NOM1: variants seen among roughly 807,000 people sequenced by gnomAD.
The protein encoded by NOM1 is nucleolar MIF4G domain-containing protein 1.
NOM1 carries 58 observed loss-of-function variants against 73.3 expected under a neutral mutation model. The observed-to-expected ratio is 0.79, with a 90% CI of 0.64 to 0.99. The LOEUF (loss-of-function observed/expected upper bound fraction) is 0.99, where lower values mean the gene tolerates loss of function less well. Among genes scored for constraint, NOM1 ranks in the 50% least tolerant of loss-of-function variants. The probability of loss-of-function intolerance (pLI) is 0.00; values close to 1 mark genes in which losing one functional copy is unlikely to be tolerated. For missense variants in NOM1, 1,226 were observed against 1,131.9 expected (o/e 1.08, Z -1.19); for synonymous variants, 487 against 446.8 (o/e 1.09, Z -1.14).
chr7:156,957,538 G>C (rs910226027), intron 3 of NOM1, among the ~76,000 whole-genome samples: 9 of 152,246 alleles, frequency 5.9e-5, no homozygotes, highest in Admixed American at 3.3e-4. Context: ...CACTTTGGGA[G>C]GCCGAGGCGG....
Position 156,950,238 on chromosome 7 carries a change from C to T in NOM1, c.501C>T (p.Thr167=), listed in dbSNP as rs1804549763. ...TAKTRPSAAA[T]AAARKRALLA... The stretch of plus-strand genomic sequence containing the variant: ...AGACCAGACCCTCCGCAGCCGCCAC[C>T]GCCGCTGCCCGGAAACGGGCGCTTT... Residue 167 remains threonine (T), a synonymous_variant, in exon 1 of 11, where the codon ACC becomes ACT. Transcript: ENST00000275820. The T allele has an allele frequency of 1.2e-6, 2 of 1,613,074 alleles. No homozygotes were observed. The highest frequency in any genetic ancestry group is 2.2e-5 in the East Asian group (1 of 44,866).
In NOM1 at chr7:156,950,734, G is replaced by A; in HGVS notation, c.987+10G>A. 6.5e-7 allele frequency: 1 copy of A among 1,548,416 alleles called. No individual in the cohort carries two copies. The highest frequency in any genetic ancestry group is 1.2e-5 in the South Asian group (1 of 83,826). On this transcript the variant is annotated intron_variant, in intron 1 of 10. Coordinates refer to ENST00000275820, the MANE Select transcript of NOM1 (RefSeq NM_138400.2). ...TGACATAACGGATAAGGTATCGTGTGAACACTCTCTAGGCCCTCTGGGATT... is the reference window on the plus strand; with the variant it reads ...TGACATAACGGATAAGGTATCGTGTAAACACTCTCTAGGCCCTCTGGGATT...
chr7:156,960,222 A>G, intron 4 of NOM1, 48 bp downstream of exon 4: 1 of 1,452,840 alleles, frequency 6.9e-7, no homozygotes, highest in Non-Finnish European at 9.5e-7. Flanking sequence ...AAAGCTCACA[A>G]ACTGGCCAGA....
intron 3 of NOM1, 79 bp downstream of exon 3, chr7:156,954,377 A>T: frequency 8.0e-7 from 1 of 1,247,494 alleles, no homozygotes; most frequent in South Asian, 1.7e-5. Context: ...TAAGTGCGTA[A>T]TTGTGTGCTG....
chr7:156,952,157 C>T (rs928928994), intron 1 of NOM1, among the ~76,000 whole-genome samples: 8 of 152,252 alleles, frequency 5.3e-5, no homozygotes, highest in African/African-American at 1.9e-4. Context: ...AGCAAAAGCG[C>T]AGTAGATAGG....
At chr7:156,966,506 C>T (rs928265364) in intron 8 of NOM1, 104 bp downstream of exon 8, 1 of 1,343,616 alleles carries the variant, frequency 7.4e-7, no homozygotes, top group Non-Finnish European at 1.0e-6. Flanking sequence ...TCAGGAGGCC[C>T]CTGATATCCC....
chr7:156,950,635 C>G lies in NOM1; in HGVS notation c.898C>G (p.Gln300Glu). Reference protein sequence around the residue: ...EQGEEKEKGAQEKRRGKRVRF... With the variant: ...EQGEEKEKGAEEKRRGKRVRF... The stretch of plus-strand genomic sequence containing the variant: ...GGGGGAAGAAAAGGAAAAGGGAGCG[C>G]AGGAGAAAAGGAGGGGGAAGAGAGT... Residue 300 changes from glutamine to glutamate, a missense_variant, in exon 1 of 11, where the codon CAG (glutamine) becomes GAG (glutamate). Coordinates refer to ENST00000275820, the MANE Select transcript of NOM1 (RefSeq NM_138400.2). 2 of 1,556,274 alleles carry G rather than the reference C, an allele frequency of 1.3e-6. No individual in the cohort carries two copies. Among genetic ancestry groups the G allele is most frequent in the Non-Finnish European group, 1.7e-6 (2 of 1,149,370 alleles).
chr7:156,964,217 C>G (rs1804940856), intron 7 of NOM1, 191 bp downstream of exon 7: 2 of 431,072 alleles, frequency 4.6e-6, no homozygotes, highest in Non-Finnish European at 8.2e-6. Flanking sequence ...ATTAATTTGC[C>G]TCTAGTAGTT....
At position 156,962,252 on chromosome 7, in the gene NOM1, G is replaced by A; in HGVS notation, c.1734G>A (p.Gln578=). Reference sequence around the variant, plus strand: ...CCGTGGAGAAGCTGAGGAAACTGCAGAGAGCTTTGGTGAGTCAAGGAACTT... The same window carrying A: ...CCGTGGAGAAGCTGAGGAAACTGCAAAGAGCTTTGGTGAGTCAAGGAACTT... ...PEPVEKLRKL[Q]RALVRNAGSG... is the part of the protein sequence containing the mutation. The change falls in exon 5 of 11, where the codon CAG becomes CAA. Residue 578 remains glutamine (Q), a synonymous_variant. Transcript: ENST00000275820. 6.2e-7 allele frequency: 1 copy of A among 1,613,548 alleles called. No homozygotes were observed.
In NOM1 at chr7:156,950,454, G is replaced by GGAA. The variant is rs1804560670; in HGVS notation, c.720_722dup (p.Glu240dup). ...TGTACGACAGCAGTGGTGAGGAGGA[G>GGAA]GAAGATGCCGGACAGACACTCCCCG... On this transcript the variant is annotated inframe_insertion, in exon 1 of 11. Transcript: ENST00000275820. The GGAA allele has an allele frequency of 6.2e-7, 1 of 1,614,016 alleles. No individual in the cohort carries two copies. The highest frequency in any genetic ancestry group is 2.2e-5 in the East Asian group (1 of 44,878).
At chr7:156,961,737 A>G (rs1048689497) in intron 4 of NOM1, among the ~76,000 whole-genome samples, 1 of 152,118 alleles carries the variant, frequency 6.6e-6, no homozygotes, top group African/African-American at 2.4e-5. Context: ...GTATGACATT[A>G]CTTCCAGTTT....
At position 156,969,745 on chromosome 7, in the gene NOM1, T is replaced by C. The variant is rs2134802633; in HGVS notation, c.*42T>C. 1 of 1,566,886 alleles carries C rather than the reference T, an allele frequency of 6.4e-7. No individual in the cohort carries two copies. Among genetic ancestry groups the C allele is most frequent in the East Asian group, 2.3e-5 (1 of 44,182 alleles). Reference sequence around the variant, plus strand: ...GGCAGGTGGCCCTTTGACTGTAAAATGTCCTTGGTAAACCCAAAGGCTTAT... The same window carrying C: ...GGCAGGTGGCCCTTTGACTGTAAAACGTCCTTGGTAAACCCAAAGGCTTAT... On this transcript the variant is annotated 3_prime_UTR_variant, in exon 11 of 11. Transcript: ENST00000275820.
chr7:156,953,674 G>A (rs573156845), intron 2 of NOM1, among the ~76,000 whole-genome samples: 6 of 152,318 alleles, frequency 3.9e-5, no homozygotes, highest in Admixed American at 2.0e-4. Flanking sequence ...CCCACTACCC[G>A]TTCAAACAGA....
chr7:156,954,031 A>T, intron 2 of NOM1, 72 bp from the exon 3 acceptor site: 1 of 1,354,368 alleles, frequency 7.4e-7, no homozygotes, highest in Non-Finnish European at 1.0e-6. Context: ...ATAACTCTTT[A>T]ATTTTTTAAA....
In NOM1 at chr7:156,949,832, G is replaced by A; in HGVS notation, c.95G>A (p.Arg32His). 6.9e-7 allele frequency: 1 copy of A among 1,449,350 alleles called. No homozygotes were observed. The highest frequency in any genetic ancestry group is 9.1e-7 in the Non-Finnish European group (1 of 1,103,442). The allele number at this position is 1,449,350 out of a possible 1,614,324, so 89.8% of individuals were successfully genotyped here. ...CGCAGAGGCGGGCGCGGGCCGCGCCGCGGTCCTGCTGGCGGTGGGGAGAAG... is the reference window on the plus strand; with the variant it reads ...CGCAGAGGCGGGCGCGGGCCGCGCCACGGTCCTGCTGGCGGTGGGGAGAAG... ...MKRRGGRGPR[R>H]GPAGGGEKAL... Residue 32 changes from arginine to histidine, a missense_variant, in exon 1 of 11, where the codon CGC (arginine) becomes CAC (histidine). By Grantham distance (29) the Arg-to-His change is conservative. Coordinates refer to ENST00000275820, the MANE Select transcript of NOM1 (RefSeq NM_138400.2).
intron 3 of NOM1, among the ~76,000 whole-genome samples, chr7:156,959,246 G>A (rs917744842): frequency 4.0e-5 from 6 of 151,818 alleles, no homozygotes; most frequent in Non-Finnish European, 7.4e-5. Flanking sequence ...GGGATTACAG[G>A]CATATGCCAC....
rs1024686166 is a variant in NOM1, at chr7:156,970,004, A to G, written c.*301A>G. On this transcript the variant is annotated 3_prime_UTR_variant, in exon 11 of 11. Coordinates refer to ENST00000275820, the MANE Select transcript of NOM1 (RefSeq NM_138400.2). ...ATTGTCTTAAAATTTTTTAATAGAT[A>G]TGGCCGAGCGTGATGGCTCACCCCT... is the stretch of plus-strand genomic sequence containing the variant. 1 of 178,570 alleles carries G rather than the reference A, an allele frequency of 5.6e-6. No homozygotes were observed. Among genetic ancestry groups the G allele is most frequent in the Non-Finnish European group, 1.2e-5 (1 of 84,996 alleles). The allele number at this position is 178,570 out of a possible 1,614,324, so 11.1% of individuals were successfully genotyped here.
chr7:156,962,230 T>A lies in NOM1; in HGVS notation c.1712T>A (p.Val571Glu). The A allele has an allele frequency of 2.5e-6, 4 of 1,614,016 alleles. No homozygotes were observed. The highest frequency in any genetic ancestry group is 3.4e-6 in the Non-Finnish European group (4 of 1,179,962). ...ATTCCAGGCTATGACCCCGAGCCCG[T>A]GGAGAAGCTGAGGAAACTGCAGAGA... ...RKIPGYDPEPVEKLRKLQRAL... is the reference protein window; with the variant it reads ...RKIPGYDPEPEEKLRKLQRAL... Residue 571 changes from valine (V) to glutamate (E), a missense_variant, in exon 5 of 11, where the codon GTG becomes GAG. Transcript: ENST00000275820.
At chr7:156,961,874 AG>A (rs1804871836) in intron 4 of NOM1, among the ~76,000 whole-genome samples, 1 of 152,048 alleles carries the variant, frequency 6.6e-6, no homozygotes, top group Non-Finnish European at 1.5e-5. Flanking sequence ...ACGGTGCGGA[AG>A]GGTGAGGCGT....
Sources: gnomAD v4.1 joint callset for allele counts (sites outside exome capture counted in the v4.1 genomes callset) on GRCh38, gnomAD v4.1.1 for gene constraint, MANE v1.5 for transcripts, NCBI Gene and HGNC (gene_info 2026-07-23, HGNC 2026-07-21) for gene names.